Variants in ATF3 observed in about 807,000 individuals in gnomAD.
ATF3 encodes the protein cyclic AMP-dependent transcription factor ATF-3.
Under a neutral mutation model 18.4 loss-of-function variants are expected in ATF3, and 10 were observed. That is an observed-to-expected ratio of 0.54 (90% CI 0.34 to 0.92). The LOEUF (loss-of-function observed/expected upper bound fraction) is 0.92, where lower values mean the gene tolerates loss of function less well. Ranked by LOEUF, ATF3 falls within the 40% of genes least tolerant of loss-of-function variation. The probability of loss-of-function intolerance (pLI) is 0.02; values close to 1 mark genes in which losing one functional copy is unlikely to be tolerated. For synonymous variants in ATF3, 78 were observed against 87.9 expected (o/e 0.89, Z 0.63); for missense variants, 183 against 222.3 (o/e 0.82, Z 1.12).
chr1:212,576,887 C>T (rs147590072), intron 1 of ATF3, among the ~76,000 whole-genome samples: 322 of 148,268 alleles, frequency 2.2e-3, no homozygotes, highest in African/African-American at 8.0e-3. Flanking sequence ...GCCATCACAC[C>T]CGGCTGATTT....
chr1:212,588,252 G>A (rs1165318619), intron 1 of ATF3, among the ~76,000 whole-genome samples: 5 of 152,116 alleles, frequency 3.3e-5, no homozygotes, highest in Admixed American at 2.0e-4. Flanking sequence ...AATTGAAACT[G>A]CACGTTCTCC....
rs1317106553 is a variant in ATF3 at position 212,583,672 on chromosome 1, G to A, written c.-5+18189G>A. Among the ~76,000 whole-genome samples, 4 of 152,296 alleles carry A rather than the reference G, an allele frequency of 2.6e-5. No homozygotes were observed. The East Asian group carries it at 7.7e-4, about 29-fold the overall frequency. On this transcript the variant is annotated intron_variant, in intron 1 of 3. Transcript: ENST00000366981. ...GTCGGAACAAAACCCTGGAACAGAG[G>A]TCCCAACCTTGACCTCTCTCCTTCC...
intron 1 of ATF3, among the ~76,000 whole-genome samples, chr1:212,596,148 A>G (rs1326924641): frequency 6.6e-6 from 1 of 152,238 alleles, no homozygotes; most frequent in Non-Finnish European, 1.5e-5. Context: ...GTGAAATTTA[A>G]CATGAGAAAA....
chr1:212,566,964 A>G (rs566721420), intron 1 of ATF3, among the ~76,000 whole-genome samples: 3 of 152,344 alleles, frequency 2.0e-5, no homozygotes, highest in Non-Finnish European at 4.4e-5. Flanking sequence ...CAGATTCCCT[A>G]GAGAAAGTCT....
chr1:212,581,461 T>A (rs139760176), intron 1 of ATF3, among the ~76,000 whole-genome samples: 1 of 152,342 alleles, frequency 6.6e-6, no homozygotes, highest in East Asian at 1.9e-4. Flanking sequence ...GCATTTCTTA[T>A]GGGTGTCATA....
At chr1:212,617,255 A>T (rs1571796142) in intron 2 of ATF3, among the ~76,000 whole-genome samples, 1 of 152,114 alleles carries the variant, frequency 6.6e-6, no homozygotes, top group East Asian at 1.9e-4. Context: ...CTCCAGGTTC[A>T]CTTCTGTCTG....
chr1:212,566,742 G>A (rs1664389294), intron 1 of ATF3, among the ~76,000 whole-genome samples: 1 of 152,190 alleles, frequency 6.6e-6, no homozygotes, highest in African/African-American at 2.4e-5. Context: ...TCATGCTGCT[G>A]GAGCAAAGCA....
chr1:212,611,507 G>A (rs1046288186), intron 1 of ATF3, among the ~76,000 whole-genome samples: 2 of 152,174 alleles, frequency 1.3e-5, no homozygotes, highest in African/African-American at 2.4e-5. Flanking sequence ...TGATTTGTTG[G>A]TGGATGCTCA....
chr1:212,603,372 C>A (rs765621750), intron 1 of ATF3, among the ~76,000 whole-genome samples: 2 of 152,078 alleles, frequency 1.3e-5, no homozygotes, highest in Non-Finnish European at 2.9e-5. Flanking sequence ...AAGGAAAAAG[C>A]GCCTGCAGGA....
At chr1:212,572,042 A>G (rs1346672789) in intron 1 of ATF3, among the ~76,000 whole-genome samples, 2 of 152,146 alleles carry the variant, frequency 1.3e-5, no homozygotes, top group Non-Finnish European at 1.5e-5. Flanking sequence ...CTAATTTGTG[A>G]TGCTTTATTT....
At chr1:212,608,709 C>G (rs1374986425), upstream of ATF3, 2 of 152,564 alleles carry the variant, frequency 1.3e-5, no homozygotes, top group East Asian at 1.9e-4. Flanking sequence ...AGTAAACGAC[C>G]GCGCCGCCAG....
intron 1 of ATF3, among the ~76,000 whole-genome samples, chr1:212,571,555 C>A (rs2102620023): frequency 6.6e-6 from 1 of 151,778 alleles, no homozygotes; most frequent in East Asian, 1.9e-4. Flanking sequence ...TTACAGCCAC[C>A]ACCACGCCTG....
chr1:212,572,143 A>T (rs1416630200), intron 1 of ATF3, among the ~76,000 whole-genome samples: 3 of 152,208 alleles, frequency 2.0e-5, no homozygotes, highest in Non-Finnish European at 2.9e-5. Context: ...TGCAAGTTCC[A>T]TACTCTTATC....
intron 2 of ATF3, among the ~76,000 whole-genome samples, chr1:212,616,235 A>ACT (rs1655117621): frequency 6.6e-6 from 1 of 152,026 alleles, no homozygotes; most frequent in South Asian, 2.1e-4. Flanking sequence ...GTGGGAAACC[A>ACT]CAGAAGGCTT....
intron 1 of ATF3, among the ~76,000 whole-genome samples, chr1:212,588,108 T>TC (rs1272465930): frequency 6.6e-6 from 1 of 152,142 alleles, no homozygotes; most frequent in Non-Finnish European, 1.5e-5. Flanking sequence ...GGTAGCTTCT[T>TC]CTACCCCTGC....
At chr1:212,608,563 T>G (rs1367027021), upstream of ATF3, 1 of 152,650 alleles carries the variant, frequency 6.6e-6, no homozygotes, top group Non-Finnish European at 1.5e-5. Context: ...CGAACTTGCA[T>G]CACCAGTGCC....
upstream of ATF3, among the ~76,000 whole-genome samples, chr1:212,608,439 C>T (rs1002244074): frequency 2.6e-5 from 4 of 152,132 alleles, no homozygotes; most frequent in African/African-American, 9.7e-5. Flanking sequence ...GCAGCGAGTA[C>T]GCACATCTGG....
At chr1:212,605,188 C>A (rs1188370064), upstream of ATF3, among the ~76,000 whole-genome samples, 1 of 152,154 alleles carries the variant, frequency 6.6e-6, no homozygotes. Flanking sequence ...ATTGTTAGTG[C>A]CATTTTTCAT....
At chr1:212,579,923 T>C (rs1664648964) in intron 1 of ATF3, among the ~76,000 whole-genome samples, 1 of 151,300 alleles carries the variant, frequency 6.6e-6, no homozygotes, top group African/African-American at 2.4e-5. Flanking sequence ...GGCAGGTGGA[T>C]CATGAGGTCA....
Sources: allele counts gnomAD v4.1 joint callset (sites outside exome capture counted in the v4.1 genomes callset), GRCh38; gene constraint gnomAD v4.1.1; transcripts MANE v1.5; gene names NCBI Gene and HGNC (gene_info 2026-07-23, HGNC 2026-07-21).